Variants in TTC29 observed in about 807,000 individuals in gnomAD.
TTC29 encodes the protein tetratricopeptide repeat protein 29.
Under a neutral mutation model 58.1 loss-of-function variants are expected in TTC29, and 49 were observed. The observed-to-expected ratio is 0.84, with a 90% CI of 0.67 to 1.07. The LOEUF (loss-of-function observed/expected upper bound fraction) is 1.07, where lower values mean the gene tolerates loss of function less well. TTC29 is among the 50% of genes least tolerant of loss of function. The pLI is 0.00. For synonymous variants in TTC29, 209 were observed against 196.8 expected, an observed-to-expected ratio of 1.06 and a Z score of -0.52; for missense variants, 582 against 555.6, an observed-to-expected ratio of 1.05 and a Z score of -0.48.
intron 11 of TTC29, among the ~76,000 whole-genome samples, chr4:146,777,821 A>G (rs1748225586): frequency 6.6e-6 from 1 of 152,190 alleles, no homozygotes; most frequent in Non-Finnish European, 1.5e-5. Flanking sequence ...CACTAACTGG[A>G]TATGGTGTGT....
chr4:146,930,084 C>CATATATAT (rs70958534), intron 4 of TTC29, among the ~76,000 whole-genome samples: 9,169 of 76,714 alleles, frequency 0.12, 754 homozygotes, highest in South Asian at 0.17. Flanking sequence ...TGTGTGTGTG[C>CATATATAT]ATATATATAT....
At chr4:146,763,804 C>T (rs1275679921) in intron 11 of TTC29, 2 of 152,070 alleles carry the variant, frequency 1.3e-5, no homozygotes, top group African/African-American at 4.8e-5. Context: ...TCCAAACTTG[C>T]TACACTTACA....
intron 5 of TTC29, among the ~76,000 whole-genome samples, chr4:146,907,105 G>A (rs185490641): frequency 1.3e-5 from 2 of 152,316 alleles, no homozygotes; most frequent in Admixed American, 1.3e-4. Flanking sequence ...CTGGTTGACA[G>A]AACAAGAGTT....
chr4:146,848,743 T>TCCTTAGCCCTGCC (rs1729332870), intron 8 of TTC29, among the ~76,000 whole-genome samples: 1 of 152,196 alleles, frequency 6.6e-6, no homozygotes, highest in Non-Finnish European at 1.5e-5. Flanking sequence ...GTTGCCCTGC[T>TCCTTAGCCCTGCC]TCCTTAGCCC....
At chr4:146,771,006 TA>T (rs749960498) in intron 11 of TTC29, among the ~76,000 whole-genome samples, 12 of 152,118 alleles carry the variant, frequency 7.9e-5, no homozygotes, top group Non-Finnish European at 1.8e-4. Flanking sequence ...CTATTAGTTC[TA>T]AAGTTTTAGC....
At chr4:146,773,492 T>C (rs146396687) in intron 11 of TTC29, among the ~76,000 whole-genome samples, 8 of 152,324 alleles carry the variant, frequency 5.3e-5, no homozygotes, top group East Asian at 3.9e-4. Context: ...TTTTTGTTTT[T>C]AGTTCTGTTT....
intron 10 of TTC29, among the ~76,000 whole-genome samples, chr4:146,804,850 G>T (rs1358982115): frequency 6.6e-6 from 1 of 152,244 alleles, no homozygotes; most frequent in Non-Finnish European, 1.5e-5. Flanking sequence ...CCTGAAGAGA[G>T]CAGTGGATCT....
At chr4:146,809,619 T>C (rs1227563740) in intron 10 of TTC29, among the ~76,000 whole-genome samples, 1 of 149,550 alleles carries the variant, frequency 6.7e-6, no homozygotes, top group African/African-American at 2.5e-5. Context: ...AACAGACACT[T>C]CTTATAAGAA....
intron 4 of TTC29, among the ~76,000 whole-genome samples, chr4:146,931,145 T>C (rs1013816382): frequency 2.6e-5 from 4 of 151,926 alleles, no homozygotes; most frequent in South Asian, 4.2e-4. Context: ...GAGTTGAAGT[T>C]CAATCTGGGC....
chr4:146,739,377 T>G (rs1197657280), intron 11 of TTC29, among the ~76,000 whole-genome samples: 1 of 152,214 alleles, frequency 6.6e-6, no homozygotes, highest in Non-Finnish European at 1.5e-5. Context: ...CTGTACGTGA[T>G]CTTTCTCTCT....
chr4:146,912,377 T>C (rs1733952640), intron 4 of TTC29, among the ~76,000 whole-genome samples: 1 of 152,100 alleles, frequency 6.6e-6, no homozygotes, highest in African/African-American at 2.4e-5. Flanking sequence ...ACATACTTAT[T>C]CTAAAAAAAA....
At chr4:146,839,223 T>C (rs1728695276) in intron 8 of TTC29, among the ~76,000 whole-genome samples, 2 of 151,970 alleles carry the variant, frequency 1.3e-5, no homozygotes, top group Admixed American at 1.3e-4. Flanking sequence ...GCTAACCAAA[T>C]AAGCGCTAAT....
At chr4:146,748,048 C>T (rs963403862) in intron 11 of TTC29, among the ~76,000 whole-genome samples, 13 of 152,216 alleles carry the variant, frequency 8.5e-5, no homozygotes, top group Non-Finnish European at 1.5e-4. Context: ...AGGCTACTGC[C>T]ACGTCCCACC....
At chr4:146,723,343 G>T (rs1007351087) in intron 11 of TTC29, among the ~76,000 whole-genome samples, 2 of 152,082 alleles carry the variant, frequency 1.3e-5, no homozygotes, top group African/African-American at 4.8e-5. Flanking sequence ...AATAATTTAT[G>T]ACTCAGTCCT....
intron 11 of TTC29, among the ~76,000 whole-genome samples, chr4:146,801,904 G>T (rs550627408): frequency 6.9e-6 from 1 of 145,770 alleles, no homozygotes; most frequent in Non-Finnish European, 1.5e-5. Context: ...GTGTGAACCC[G>T]GGAGGCAGAG....
At chr4:146,819,352 A>T (rs941897050) in intron 10 of TTC29, among the ~76,000 whole-genome samples, 1 of 151,974 alleles carries the variant, frequency 6.6e-6, no homozygotes, top group Non-Finnish European at 1.5e-5. Flanking sequence ...CTACATACAC[A>T]GACTCTGAAA....
intron 11 of TTC29, among the ~76,000 whole-genome samples, chr4:146,731,716 A>G (rs1030970199): frequency 6.6e-6 from 1 of 152,226 alleles, no homozygotes; most frequent in African/African-American, 2.4e-5. Flanking sequence ...TATTAAAATT[A>G]TCCTCTGAGG....
At chr4:146,803,778 C>T (rs1750408405) in intron 10 of TTC29, 93 bp from the exon 11 acceptor site, 2 of 939,710 alleles carry the variant, frequency 2.1e-6, no homozygotes, top group Non-Finnish European at 3.1e-6. Flanking sequence ...CCACACTGAC[C>T]TTTCGACAGT....
intron 11 of TTC29, among the ~76,000 whole-genome samples, chr4:146,759,927 C>A (rs945557189): frequency 1.3e-5 from 2 of 151,948 alleles, no homozygotes; most frequent in African/African-American, 4.8e-5. Flanking sequence ...TACTGGAAGT[C>A]CTAGCCAGAA....
Sources: gnomAD v4.1 joint callset for allele counts (sites outside exome capture counted in the v4.1 genomes callset) on GRCh38, gnomAD v4.1.1 for gene constraint, MANE v1.5 for transcripts, NCBI Gene and HGNC (gene_info 2026-07-23, HGNC 2026-07-21) for gene names.